The following CDKN2B-AS1 variants were observed in gnomAD, a reference collection of about 807,000 sequenced individuals.
The protein encoded by CDKN2B-AS1 is CDKN2B and CDKN2A antisense cis and trans regulatory RNA 1.
At chr9:22,077,157 A>T (rs1356660246) in intron 4 of CDKN2B-AS1, among the ~76,000 whole-genome samples, 7 of 152,112 alleles carry the variant, frequency 4.6e-5, no homozygotes, top group African/African-American at 1.7e-4. Flanking sequence ...TTTGACTTTT[A>T]AAAAAATTCT....
chr9:22,024,680 C>A (rs1822158440), intron 1 of CDKN2B-AS1, among the ~76,000 whole-genome samples: 1 of 152,206 alleles, frequency 6.6e-6, no homozygotes, highest in Non-Finnish European at 1.5e-5. Context: ...AAGGGGCATA[C>A]TTCCCTCCTG....
Position 22,001,322 on chromosome 9 carries a change from T to G in CDKN2B-AS1, n.29+6161T>G, listed in dbSNP as rs569471350. Among the ~76,000 whole-genome samples, 1 of 152,196 alleles carries G rather than the reference T, an allele frequency of 6.6e-6. No homozygotes were observed. Among genetic ancestry groups the G allele is most frequent in the Non-Finnish European group, 1.5e-5 (1 of 68,002 alleles). On this transcript the variant is annotated intron_variant and non_coding_transcript_variant, in intron 1 of 4. Transcript: ENST00000650946. The surrounding 1 kb of genome is among the most constrained non-coding windows in gnomAD (Gnocchi z 4.2). ...TGACTCCATATATCTACTGGAAGTC[T>G]AATGCCAGGGGCTTCTGAGTGTGAA...
chr9:22,035,463 A>C (rs901203364), intron 1 of CDKN2B-AS1, among the ~76,000 whole-genome samples: 1 of 152,168 alleles, frequency 6.6e-6, no homozygotes, highest in Non-Finnish European at 1.5e-5. Flanking sequence ...TTGGCGTCAA[A>C]CATGGGTCTC....
At chr9:22,047,900 C>A (rs2131275693) in intron 2 of CDKN2B-AS1, among the ~76,000 whole-genome samples, 1 of 151,908 alleles carries the variant, frequency 6.6e-6, no homozygotes, top group East Asian at 1.9e-4. Flanking sequence ...CGTCCTCCTG[C>A]CTCAGTCTTC....
chr9:22,061,525 C>A (rs1483949004), intron 4 of CDKN2B-AS1, among the ~76,000 whole-genome samples: 1 of 152,092 alleles, frequency 6.6e-6, no homozygotes, highest in Non-Finnish European at 1.5e-5. Context: ...GTCTGACTGA[C>A]ATTTAAAATG....
intron 4 of CDKN2B-AS1, among the ~76,000 whole-genome samples, chr9:22,057,377 G>C (rs1164669342): frequency 2.0e-5 from 3 of 152,126 alleles, no homozygotes; most frequent in African/African-American, 7.2e-5. Context: ...TTATGATTGT[G>C]ATCTTCCAAA....
chr9:22,062,644 A>G (rs755090828), intron 4 of CDKN2B-AS1, among the ~76,000 whole-genome samples: 3 of 152,086 alleles, frequency 2.0e-5, no homozygotes, highest in Non-Finnish European at 4.4e-5. Flanking sequence ...CGTTGGCTCT[A>G]AAATTTCCCC....
chr9:22,092,474 G>A (rs989598458), intron 4 of CDKN2B-AS1: 4 of 152,066 alleles, frequency 2.6e-5, no homozygotes, highest in African/African-American at 2.4e-5. Flanking sequence ...TGGTTGGTAA[G>A]CTATTAATTA....
At chr9:22,106,323 C>T (rs1270689436) in intron 4 of CDKN2B-AS1, among the ~76,000 whole-genome samples, 5 of 152,034 alleles carry the variant, frequency 3.3e-5, no homozygotes, top group East Asian at 1.9e-4. Flanking sequence ...CCTCATGATC[C>T]GCCCGCCTCA....
chr9:22,087,010 C>T (rs1321609943), intron 4 of CDKN2B-AS1, among the ~76,000 whole-genome samples: 1 of 152,178 alleles, frequency 6.6e-6, no homozygotes, highest in African/African-American at 2.4e-5. Context: ...TACTTCCTTG[C>T]CAAGAGAACC....
chr9:22,063,721 C>T (rs1410475005), intron 4 of CDKN2B-AS1, among the ~76,000 whole-genome samples: 1 of 152,148 alleles, frequency 6.6e-6, no homozygotes, highest in African/African-American at 2.4e-5. Context: ...TCAACTTCAA[C>T]TGTCTGTTTT....
intron 3 of CDKN2B-AS1, among the ~76,000 whole-genome samples, chr9:22,050,759 C>T (rs1043771861): frequency 3.3e-5 from 5 of 152,158 alleles, no homozygotes; most frequent in African/African-American, 1.2e-4. Flanking sequence ...TCTAGGGAAG[C>T]TCCTTATGCT....
intron 4 of CDKN2B-AS1, chr9:22,056,478 T>A (rs192543276): frequency 4.6e-5 from 7 of 152,120 alleles, no homozygotes; most frequent in African/African-American, 1.7e-4. Context: ...CCACATAGAT[T>A]AGAGGCAGGA....
At chr9:22,002,422 G>A (rs567921458) in intron 1 of CDKN2B-AS1, among the ~76,000 whole-genome samples, 1 of 151,790 alleles carries the variant, frequency 6.6e-6, no homozygotes, top group Admixed American at 6.6e-5. Context: ...AGCATAAAAT[G>A]AGTATATGTT....
intron 1 of CDKN2B-AS1, chr9:22,008,708 A>T (rs1420015980): frequency 1.2e-6 from 2 of 1,611,508 alleles, no homozygotes; most frequent in Non-Finnish European, 1.7e-6. Flanking sequence ...ACAAATCTAC[A>T]TCGGCGATCT....
At chr9:22,016,401 C>A (rs1304467297) in intron 1 of CDKN2B-AS1, among the ~76,000 whole-genome samples, 1 of 152,126 alleles carries the variant, frequency 6.6e-6, no homozygotes, top group South Asian at 2.1e-4. Context: ...CAATGTCATC[C>A]CCATCAAGCT....
chr9:22,010,732 C>A (rs184085920), intron 1 of CDKN2B-AS1, among the ~76,000 whole-genome samples: 1 of 152,168 alleles, frequency 6.6e-6, no homozygotes, highest in Non-Finnish European at 1.5e-5. Flanking sequence ...TCCCATCCAA[C>A]CCCCATTTCC....
intron 1 of CDKN2B-AS1, among the ~76,000 whole-genome samples, chr9:22,014,159 T>C (rs1277075009): frequency 6.6e-6 from 1 of 152,074 alleles, no homozygotes; most frequent in African/African-American, 2.4e-5. Context: ...TTTTAAATTA[T>C]TTATTTATTT....
intron 1 of CDKN2B-AS1, among the ~76,000 whole-genome samples, chr9:22,008,257 A>G (rs1020737123): frequency 6.6e-6 from 1 of 152,186 alleles, no homozygotes; most frequent in Non-Finnish European, 1.5e-5. Flanking sequence ...TCTCTTATGC[A>G]TCACTCATAA....
Sources: gnomAD v4.1 joint callset for allele counts (sites outside exome capture counted in the v4.1 genomes callset) on GRCh38, gnomAD v4.1.1 for gene constraint, Gnocchi (gnomAD v3.1) non-coding constraint, MANE v1.5 for transcripts, NCBI Gene and HGNC (gene_info 2026-07-23, HGNC 2026-07-21) for gene names.